SGCD: variants seen among roughly 807,000 people sequenced by gnomAD.
The protein encoded by SGCD is delta-sarcoglycan.
SGCD carries 18 observed loss-of-function variants against 36.6 expected under a neutral mutation model. The observed-to-expected ratio is 0.49, with a 90% CI of 0.34 to 0.73. SGCD has a LOEUF of 0.73. SGCD is among the 30% of genes least tolerant of loss of function. The pLI is 0.01. For missense variants in SGCD, 387 were observed against 346.7 expected (o/e 1.12, Z -0.92); for synonymous variants, 133 against 130.6 (o/e 1.02, Z -0.12).
chr5:156,127,477 C>T (rs1421430783), intron 3 of SGCD, among the ~76,000 whole-genome samples: 2 of 151,920 alleles, frequency 1.3e-5, no homozygotes, highest in Non-Finnish European at 2.9e-5. Context: ...ATTAGCCAGG[C>T]ATCGTAGCAT....
chr5:156,004,000 T>C (rs989808744), intron 1 of SGCD, among the ~76,000 whole-genome samples: 2 of 152,244 alleles, frequency 1.3e-5, no homozygotes, highest in East Asian at 1.9e-4. Context: ...AAATAGCCTA[T>C]CTTACATCTC....
intron 3 of SGCD, among the ~76,000 whole-genome samples, chr5:156,290,084 T>G (rs1268570813): frequency 1.3e-5 from 2 of 152,150 alleles, no homozygotes; most frequent in Non-Finnish European, 2.9e-5. Flanking sequence ...TACATTAATA[T>G]CAATGATGAT....
At chr5:156,189,221 C>T (rs757137561) in intron 3 of SGCD, among the ~76,000 whole-genome samples, 6 of 152,146 alleles carry the variant, frequency 3.9e-5, no homozygotes, top group Admixed American at 6.5e-5. Context: ...ATGAAGAGTA[C>T]GTGCTAGTGA....
At chr5:156,547,659 G>T (rs1316414712) in intron 4 of SGCD, among the ~76,000 whole-genome samples, 1 of 151,974 alleles carries the variant, frequency 6.6e-6, no homozygotes, top group Non-Finnish European at 1.5e-5. Flanking sequence ...AGCCAGGATG[G>T]TCTCAATCTC....
chr5:155,938,882 A>C (rs1757268251), intron 1 of SGCD, among the ~76,000 whole-genome samples: 2 of 152,234 alleles, frequency 1.3e-5, no homozygotes, highest in Admixed American at 6.5e-5. Flanking sequence ...CAACTAATTA[A>C]TAGGAGTCAA....
chr5:156,199,305 T>A, intron 3 of SGCD, among the ~76,000 whole-genome samples: 1 of 152,186 alleles, frequency 6.6e-6, no homozygotes, highest in African/African-American at 2.4e-5. Context: ...ATTGACTTAT[T>A]TGCTTTGGCT....
At chr5:156,155,082 C>A (rs10054296) in intron 3 of SGCD, among the ~76,000 whole-genome samples, 6,747 of 151,680 alleles carry the variant, frequency 0.044, 528 homozygotes, top group African/African-American at 0.12. Context: ...ATAATAATCA[C>A]AGGATAATCT....
chr5:155,805,780 C>A, the SGCD span, among the ~76,000 whole-genome samples: 2 of 152,132 alleles, frequency 1.3e-5, no homozygotes, highest in African/African-American at 4.8e-5. Context: ...GAGCTTCAGG[C>A]ATCTGGTGTG....
intron 1 of SGCD, among the ~76,000 whole-genome samples, chr5:155,876,312 C>T (rs909886979): frequency 2.7e-5 from 4 of 150,264 alleles, no homozygotes; most frequent in African/African-American, 9.8e-5. Context: ...TTCTTTATCT[C>T]CACCTATATT....
At chr5:156,254,959 G>T (rs1561586472) in intron 3 of SGCD, among the ~76,000 whole-genome samples, 3 of 152,124 alleles carry the variant, frequency 2.0e-5, no homozygotes, top group Admixed American at 2.0e-4. Context: ...TCCATAATCT[G>T]CAACTTTTTG....
intron 3 of SGCD, among the ~76,000 whole-genome samples, chr5:156,192,851 C>T (rs995860791): frequency 2.2e-5 from 2 of 91,888 alleles, no homozygotes; most frequent in Non-Finnish European, 4.5e-5. Flanking sequence ...GGATGAACTT[C>T]TGTAAGAAGC....
At chr5:156,161,877 G>A (rs1226856858) in intron 3 of SGCD, among the ~76,000 whole-genome samples, 1 of 151,642 alleles carries the variant, frequency 6.6e-6, no homozygotes, top group Non-Finnish European at 1.5e-5. Flanking sequence ...GTATGAAAAT[G>A]TAACTCTCTT....
intron 1 of SGCD, among the ~76,000 whole-genome samples, chr5:155,955,877 C>G (rs1449781666): frequency 6.6e-6 from 1 of 152,112 alleles, no homozygotes; most frequent in Non-Finnish European, 1.5e-5. Context: ...GAAAATTTAA[C>G]ATAGTCCCTA....
chr5:156,497,170 A>ACT (rs10559912), intron 3 of SGCD, among the ~76,000 whole-genome samples: 2,455 of 145,274 alleles, frequency 0.017, 20 homozygotes, highest in Middle Eastern at 0.083. Flanking sequence ...ACTCTCCTGC[A>ACT]CTCTCTCTCT....
chr5:155,731,884 G>A, the SGCD span, among the ~76,000 whole-genome samples: 1 of 152,226 alleles, frequency 6.6e-6, no homozygotes, highest in Non-Finnish European at 1.5e-5. Flanking sequence ...TACACGTGGT[G>A]TAGATGGTAT....
intron 1 of SGCD, among the ~76,000 whole-genome samples, chr5:156,116,972 C>T (rs1761920850): frequency 6.6e-6 from 1 of 152,048 alleles, no homozygotes; most frequent in Non-Finnish European, 1.5e-5. Flanking sequence ...TTACTCAACA[C>T]ATCAGTGTGG....
intron 4 of SGCD, among the ~76,000 whole-genome samples, chr5:156,560,493 T>G (rs1295326875): frequency 6.6e-6 from 1 of 152,218 alleles, no homozygotes; most frequent in Non-Finnish European, 1.5e-5. Context: ...GATGATGGCA[T>G]TAATGCACCT....
At position 156,718,135 on chromosome 5, in the gene SGCD, A is replaced by T. The variant is rs116514192; in HGVS notation, c.576-39446A>T. 6.3e-4 allele frequency among the ~76,000 whole-genome samples: 96 copies of T among 152,248 alleles called. 1 individual carries two copies. The highest frequency in any genetic ancestry group is 2.3e-3 in the African/African-American group (95 of 41,536). ...TACTGTTCACAAGCTGCATTGTAATACAAACATGTCTGTCTTCCTCATTAG... is the reference window on the plus strand; with the variant it reads ...TACTGTTCACAAGCTGCATTGTAATTCAAACATGTCTGTCTTCCTCATTAG... On this transcript the variant is annotated intron_variant, in intron 7 of 8. Transcript: ENST00000337851.
chr5:156,341,568 A>T (rs1768653416), intron 2 of SGCD, among the ~76,000 whole-genome samples: 1 of 152,130 alleles, frequency 6.6e-6, no homozygotes, highest in Non-Finnish European at 1.5e-5. Flanking sequence ...ATTAGGGTTG[A>T]GTGGCATTAT....
Sources: gnomAD v4.1 joint callset for allele counts (sites outside exome capture counted in the v4.1 genomes callset) on GRCh38, gnomAD v4.1.1 for gene constraint, MANE v1.5 for transcripts, NCBI Gene and HGNC (gene_info 2026-07-23, HGNC 2026-07-21) for gene names.